The following SOAT1 variants were observed in gnomAD, a reference collection of about 807,000 sequenced individuals.
The protein encoded by SOAT1 is sterol O-acyltransferase 1.
A neutral mutation model predicts 69.5 loss-of-function variants in SOAT1; 55 were observed. The ratio of observed to expected loss-of-function variants is 0.79; its 90% CI spans 0.64 to 0.99. SOAT1 has a LOEUF of 0.99. SOAT1 is among the 50% of genes least tolerant of loss of function. The pLI is 0.00. For missense variants in SOAT1, 580 were observed against 669.3 expected (o/e 0.87, Z 1.47); for synonymous variants, 231 against 224.7 (o/e 1.03, Z -0.25).
chr1:179,311,741 A>G (rs1432659996), intron 2 of SOAT1, among the ~76,000 whole-genome samples: 1 of 152,228 alleles, frequency 6.6e-6, no homozygotes, highest in Non-Finnish European at 1.5e-5. Flanking sequence ...CAAATTAAAT[A>G]TATAATAACT....
At chr1:179,346,121 C>A (rs1666525586) in intron 11 of SOAT1, among the ~76,000 whole-genome samples, 1 of 152,068 alleles carries the variant, frequency 6.6e-6, no homozygotes, top group Admixed American at 6.6e-5. Context: ...TTGCATTCCT[C>A]TTCCAGTAAC....
At position 179,344,931 on chromosome 1, in the gene SOAT1, C is replaced by T. The variant is rs377644920; in HGVS notation, c.988-16C>T. 6 of 1,613,130 alleles carry T rather than the reference C, an allele frequency of 3.7e-6. No individual in the cohort carries two copies. The highest frequency in any genetic ancestry group is 5.1e-6 in the Non-Finnish European group (6 of 1,179,558). On this transcript the variant is annotated splice_polypyrimidine_tract_variant and intron_variant, in intron 10 of 15. Transcript: ENST00000367619. ...TAAGCCATCGTTATTATAATTCTGT[C>T]TCTGTTATGTTCCAGGTCTTTGGTT... is the stretch of plus-strand genomic sequence containing the variant.
At chr1:179,327,002 G>A (rs1193796182) in intron 3 of SOAT1, among the ~76,000 whole-genome samples, 1 of 152,194 alleles carries the variant, frequency 6.6e-6, no homozygotes, top group Non-Finnish European at 1.5e-5. Flanking sequence ...AAACAGATGA[G>A]CCAGTAGGAG....
rs923384469 is a variant in SOAT1 at position 179,341,247 on chromosome 1, A to G, written c.717A>G (p.Pro239=). The G allele has an allele frequency of 1.2e-6, 2 of 1,614,146 alleles. No homozygotes were observed. Among genetic ancestry groups the G allele is most frequent in the Non-Finnish European group, 1.7e-6 (2 of 1,180,022 alleles). ...AGATTGGAGTTCTAGGTTTTGGACC[A>G]ACATATGTTGTGTTAGCATATACAC... is the stretch of plus-strand genomic sequence containing the variant. The part of the protein sequence containing the change: ...IFQIGVLGFG[P]TYVVLAYTLP... Residue 239 remains proline, a synonymous_variant, in exon 7 of 16, where the codon CCA becomes CCG. Transcript: ENST00000367619.
chr1:179,331,801 T>C (rs1665985127), intron 3 of SOAT1, among the ~76,000 whole-genome samples: 1 of 152,180 alleles, frequency 6.6e-6, no homozygotes, highest in Non-Finnish European at 1.5e-5. Flanking sequence ...TCCTAAGCAC[T>C]GTATTACCTG....
At position 179,348,891 on chromosome 1, in the gene SOAT1, T is replaced by G. The variant is rs536995324; in HGVS notation, c.1263T>G (p.Asn421Lys). ...TSYSNYYRTW[N>K]VVVHDWLYYY... ...ACTCCAACTATTATAGAACCTGGAA[T>G]GTGGTGGTCCATGACTGGCTATATT... is the stretch of plus-strand genomic sequence containing the variant. The change falls in exon 13 of 16, where the codon AAT (asparagine) becomes AAG (lysine). Residue 421 changes from asparagine (N) to lysine (K), a missense_variant. Physicochemically the swap from Asn to Lys is moderately conservative, Grantham distance 94. Transcript: ENST00000367619. 6.2e-7 allele frequency: 1 copy of G among 1,612,630 alleles called. No homozygotes were observed. The highest frequency in any genetic ancestry group is 2.2e-5 in the East Asian group (1 of 44,866).
chr1:179,309,271 A>G (rs1457684943), intron 2 of SOAT1, among the ~76,000 whole-genome samples: 2 of 152,066 alleles, frequency 1.3e-5, no homozygotes, highest in Non-Finnish European at 2.9e-5. Context: ...TTTAGTAGAG[A>G]TGGGGTTTCA....
chr1:179,309,006 A>G (rs1665126330), intron 2 of SOAT1, among the ~76,000 whole-genome samples: 1 of 152,186 alleles, frequency 6.6e-6, no homozygotes, highest in African/African-American at 2.4e-5. Context: ...GCTGTTTCCA[A>G]AGTTGCAGTA....
rs1275194965 is a variant in SOAT1 at position 179,356,465 on chromosome 1, C to CTTTTTT, written c.*2844_*2849dup. On this transcript the variant is annotated 3_prime_UTR_variant, in exon 16 of 16. Transcript: ENST00000367619. ...AATTTAATTAGAAAACTGAGGCTGC[C>CTTTTTT]TTTTTTTTTTTTTTTTTTTTTTTTT... is the stretch of plus-strand genomic sequence containing the variant. 1.8e-4 allele frequency: 11 copies of CTTTTTT among 60,440 alleles called. No homozygotes were observed. The highest frequency in any genetic ancestry group is 8.3e-4 in the African/African-American group (11 of 13,280). 3.7% of individuals were successfully genotyped at this position (60,440 alleles called of 1,614,324 possible).
At chr1:179,335,932 G>A (rs1212077364) in intron 4 of SOAT1, among the ~76,000 whole-genome samples, 1 of 152,184 alleles carries the variant, frequency 6.6e-6, no homozygotes, top group East Asian at 1.9e-4. Flanking sequence ...GCTGAGGCAG[G>A]TGGAACACCT....
chr1:179,339,477 C>T lies in SOAT1; in HGVS notation c.429C>T (p.His143=). Residue 143 remains histidine, a synonymous_variant, in exon 6 of 16, where the codon CAC becomes CAT. Coordinates refer to ENST00000367619, the MANE Select transcript of SOAT1 (RefSeq NM_003101.6). ...TGGACCACATCAGAACAATATATCACATGTTTATTGCCCTCCTCATTCTCT... is the reference window on the plus strand; with the variant it reads ...TGGACCACATCAGAACAATATATCATATGTTTATTGCCCTCCTCATTCTCT... The part of the protein sequence containing the change: ...LEVDHIRTIY[H]MFIALLILFI... 2 of 1,613,054 alleles carry T rather than the reference C, an allele frequency of 1.2e-6. No individual in the cohort carries two copies.
At chr1:179,301,885 C>G (rs1473047594) in intron 1 of SOAT1, among the ~76,000 whole-genome samples, 4 of 152,144 alleles carry the variant, frequency 2.6e-5, no homozygotes, top group Non-Finnish European at 5.9e-5. Flanking sequence ...GTCTAAAATA[C>G]CTTCTTTTCT....
chr1:179,305,596 C>T (rs906455944), intron 2 of SOAT1, among the ~76,000 whole-genome samples: 2 of 152,064 alleles, frequency 1.3e-5, no homozygotes, highest in African/African-American at 4.8e-5. Flanking sequence ...TGGGTATATA[C>T]GTAAGAGTTG....
At chr1:179,314,048 A>T (rs1665310225) in intron 2 of SOAT1, among the ~76,000 whole-genome samples, 2 of 152,172 alleles carry the variant, frequency 1.3e-5, no homozygotes, top group Admixed American at 6.5e-5. Context: ...CCTCAGAAAA[A>T]TCCAACAAGT....
rs201449849 is a variant in SOAT1 at position 179,351,021 on chromosome 1, C to CTTTTTTTTTTTTTTT, written c.1451-271_1451-257dup. ...TGTTTTGATACCTGTATATTTCTTT[C>CTTTTTTTTTTTTTTT]TTTTTTTTTTTTTTTTTTTTTTTTT... On this transcript the variant is annotated intron_variant, in intron 14 of 15. Transcript: ENST00000367619. Among the ~76,000 whole-genome samples, 139 of 127,518 alleles carry CTTTTTTTTTTTTTTT rather than the reference C, an allele frequency of 1.1e-3. 3 individuals are homozygous for CTTTTTTTTTTTTTTT. Among genetic ancestry groups the CTTTTTTTTTTTTTTT allele is most frequent in the Middle Eastern group, 8.3e-3 (2 of 240 alleles). The allele number at this position is 127,518 out of a possible 152,430, so 83.7% of individuals were successfully genotyped here.
At chr1:179,339,608 T>A in intron 6 of SOAT1, 63 bp downstream of exon 6, 1 of 1,116,390 alleles carries the variant, frequency 9.0e-7, no homozygotes, top group Non-Finnish European at 1.3e-6. Context: ...TTTCACTAAA[T>A]TTTGGTAAAG....
At chr1:179,327,976 A>G (rs891727297) in intron 3 of SOAT1, among the ~76,000 whole-genome samples, 1 of 152,206 alleles carries the variant, frequency 6.6e-6, no homozygotes, top group Non-Finnish European at 1.5e-5. Flanking sequence ...CTGAGTTATG[A>G]CCTTTTGAAA....
At chr1:179,336,787 A>G (rs2492776) in intron 4 of SOAT1, among the ~76,000 whole-genome samples, 149,705 of 152,208 alleles carry the variant, frequency 0.98, 73,676 homozygotes, top group Middle Eastern at 1. Context: ...ACGAGGTCAG[A>G]AGTTCAAGAC....
intron 2 of SOAT1, among the ~76,000 whole-genome samples, chr1:179,321,623 T>C (rs761558241): frequency 6.6e-6 from 1 of 152,216 alleles, no homozygotes; most frequent in Non-Finnish European, 1.5e-5. Flanking sequence ...CCATCTCCAA[T>C]TGGCTGTTTG....
Sources: gnomAD v4.1 joint callset for allele counts (sites outside exome capture counted in the v4.1 genomes callset) on GRCh38, gnomAD v4.1.1 for gene constraint, MANE v1.5 for transcripts, NCBI Gene and HGNC (gene_info 2026-07-23, HGNC 2026-07-21) for gene names.